CFH: variants seen among roughly 807,000 people sequenced by gnomAD.
CFH encodes complement factor H.
A neutral mutation model predicts 147.3 loss-of-function variants in CFH; 53 were observed. The observed-to-expected ratio is 0.36, with a 90% confidence interval of 0.29 to 0.45. The LOEUF is 0.45. Ranked by LOEUF, CFH falls within the 20% of genes least tolerant of loss-of-function variation. CFH has a pLI of 1.00. For missense variants in CFH, 1,380 were observed against 1,498.0 expected, an observed-to-expected ratio of 0.92 and a Z score of 1.30; for synonymous variants, 536 against 489.4, an observed-to-expected ratio of 1.10 and a Z score of -1.26.
intron 1 of CFH, among the ~76,000 whole-genome samples, chr1:196,654,719 G>A (rs1226156097): frequency 6.6e-6 from 1 of 151,052 alleles, no homozygotes; most frequent in Non-Finnish European, 1.5e-5. Flanking sequence ...AGTAAATACT[G>A]GCTGTGTTGT....
intron 9 of CFH, among the ~76,000 whole-genome samples, chr1:196,702,319 G>A (rs1246826107): frequency 1.3e-5 from 2 of 151,888 alleles, no homozygotes; most frequent in African/African-American, 2.4e-5. Flanking sequence ...TACCCAACAG[G>A]GAACTCCATT....
chr1:196,677,746 A>G, intron 5 of CFH, 79 bp downstream of exon 5: 1 of 1,300,522 alleles, frequency 7.7e-7, no homozygotes, highest in East Asian at 2.4e-5. Context: ...ATTCTAAGGA[A>G]TATCAGCAAT....
chr1:196,732,092 T>C (rs1389672269), intron 15 of CFH, among the ~76,000 whole-genome samples: 1 of 152,070 alleles, frequency 6.6e-6, no homozygotes, highest in East Asian at 1.9e-4. Flanking sequence ...GTTGTGTTTC[T>C]TTCTGTTTTT....
At chr1:196,683,043 G>GA (rs1667708084) in intron 6 of CFH, among the ~76,000 whole-genome samples, 7 of 151,192 alleles carry the variant, frequency 4.6e-5, no homozygotes, top group Admixed American at 4.0e-4. Context: ...AGAAGAAGTA[G>GA]AAAAATGGCA....
chr1:196,655,775 A>G (rs1016208977), intron 1 of CFH, among the ~76,000 whole-genome samples: 2 of 152,166 alleles, frequency 1.3e-5, no homozygotes, highest in African/African-American at 4.8e-5. Context: ...TCACAAAACC[A>G]TAGTACATGG....
In CFH at chr1:196,726,450, A is replaced by G. The variant is rs1558178773; in HGVS notation, c.1874-20A>G. ...AAAACAGACAATTTAACCATTATTT[A>G]CATAGTATTTCTACTATAGAGCAAG... On this transcript the variant is annotated intron_variant, in intron 12 of 21. Coordinates refer to ENST00000367429, the MANE Select transcript of CFH (RefSeq NM_000186.4). 1 of 1,548,294 alleles carries G rather than the reference A, an allele frequency of 6.5e-7. No individual in the cohort carries two copies. The highest frequency in any genetic ancestry group is 8.9e-7 in the Non-Finnish European group (1 of 1,122,272).
At position 196,715,645 on chromosome 1, in the gene CFH, A is replaced by T. The variant is rs778596435; in HGVS notation, c.1572A>T (p.Thr524=). The T allele has an allele frequency of 6.2e-7, 1 of 1,612,690 alleles. No homozygotes were observed. The highest frequency in any genetic ancestry group is 8.5e-7 in the Non-Finnish European group (1 of 1,179,198). ...ATGCCAGAACTAAAAATGACTTCAC[A>T]TGGTTTAAGCTGAATGACACATTGG... The part of the protein sequence containing the change: ...FMNARTKNDF[T]WFKLNDTLDY... The change falls in exon 11 of 22, where the codon ACA becomes ACT. Residue 524 remains threonine (T), a synonymous_variant. Coordinates refer to ENST00000367429, the MANE Select transcript of CFH (RefSeq NM_000186.4).
intron 16 of CFH, 36 bp from the exon 17 acceptor site, chr1:196,737,439 T>C: frequency 7.1e-7 from 1 of 1,414,626 alleles, no homozygotes; most frequent in Non-Finnish European, 9.9e-7. Flanking sequence ...AGTATTTTAT[T>C]TGTTTTTAAC....
chr1:196,714,674 G>T (rs1339178177), intron 10 of CFH, among the ~76,000 whole-genome samples: 907 of 24,286 alleles, frequency 0.037, 1 homozygote, highest in Non-Finnish European at 0.052. Flanking sequence ...TATATAGAGA[G>T]AGAGAGAGAG....
chr1:196,663,071 A>G (rs1329765120), intron 1 of CFH, among the ~76,000 whole-genome samples: 1 of 152,170 alleles, frequency 6.6e-6, no homozygotes, highest in Non-Finnish European at 1.5e-5. Context: ...TTTCTCTAAC[A>G]AGGTTAAGAT....
chr1:196,703,795 TAACACAGTGA>T (rs1218712413), intron 9 of CFH, among the ~76,000 whole-genome samples: 2 of 151,698 alleles, frequency 1.3e-5, no homozygotes, highest in Non-Finnish European at 2.9e-5. Flanking sequence ...CCATCCTGGC[TAACACAGTGA>T]AACCCCGTCT....
rs779202216 is a variant in CFH, at chr1:196,690,248, A to T, written c.1336+9A>T. 6.2e-7 allele frequency: 1 copy of T among 1,612,968 alleles called. No homozygotes were observed. The highest frequency in any genetic ancestry group is 8.5e-7 in the Non-Finnish European group (1 of 1,179,264). On this transcript the variant is annotated intron_variant, in intron 9 of 21. Transcript: ENST00000367429. ...CAGATGCATCCGTGTCAGTAAGTAC[A>T]CTACTCTGAAATCCTAGCATGTTCA...
intron 14 of CFH, among the ~76,000 whole-genome samples, chr1:196,727,200 C>T (rs573232655): frequency 6.6e-6 from 1 of 152,232 alleles, no homozygotes; most frequent in East Asian, 1.9e-4. Context: ...CAACATTTTA[C>T]TTACAAAAAT....
At chr1:196,712,723 G>C (rs1425444311) in intron 9 of CFH, among the ~76,000 whole-genome samples, 2 of 149,966 alleles carry the variant, frequency 1.3e-5, no homozygotes, top group Admixed American at 6.6e-5. Context: ...CCATTAACTC[G>C]TCATTTAGCA....
chr1:196,681,130 A>T (rs1667637137), intron 6 of CFH, among the ~76,000 whole-genome samples: 1 of 151,842 alleles, frequency 6.6e-6, no homozygotes, highest in South Asian at 2.1e-4. Context: ...ATCTATAGTG[A>T]ATTTATCCAT....
chr1:196,653,127 T>C lies in CFH; in HGVS notation c.58+952T>C, dbSNP rs867935790. On this transcript the variant is annotated intron_variant, in intron 1 of 21. Transcript: ENST00000367429. ...TATTAGCAAATAATACAAATCTCTG[T>C]TTCAGTCTTCCAATCTAGAAAATAA... is the stretch of plus-strand genomic sequence containing the variant. 7.2e-5 allele frequency among the ~76,000 whole-genome samples: 11 copies of C among 151,922 alleles called. No homozygotes were observed. The Middle Eastern group carries it at 0.012, about 166-fold the overall frequency.
rs767034554 is a variant in CFH at position 196,679,690 on chromosome 1, G to C, written c.687G>C (p.Glu229Asp). 1 of 1,608,688 alleles carries C rather than the reference G, an allele frequency of 6.2e-7. No homozygotes were observed. The highest frequency in any genetic ancestry group is 8.5e-7 in the Non-Finnish European group (1 of 1,175,906). The change falls in exon 6 of 22, where the codon GAG becomes GAC. Residue 229 changes from glutamate (E) to aspartate (D), a missense_variant. Transcript: ENST00000367429. ...TATCTCAGAAGATTATTTATAAGGAGAATGAACGATTTCAATATAAATGTA... is the reference window on the plus strand; with the variant it reads ...TATCTCAGAAGATTATTTATAAGGACAATGAACGATTTCAATATAAATGTA... ...SPISQKIIYK[E>D]NERFQYKCNM...
chr1:196,741,848 A>T, intron 18 of CFH, 27 bp from the exon 19 acceptor site: 1 of 1,610,230 alleles, frequency 6.2e-7, no homozygotes, highest in Non-Finnish European at 8.5e-7. Flanking sequence ...AGATTTGCGG[A>T]ACAAATACAT....
Position 196,679,643 on chromosome 1 carries a change from G to A in CFH, c.640G>A (p.Asp214Asn), listed in dbSNP as rs530228595. 6.2e-7 allele frequency: 1 copy of A among 1,605,436 alleles called. No individual in the cohort carries two copies. Among genetic ancestry groups the A allele is most frequent in the South Asian group, 1.1e-5 (1 of 90,736 alleles). Residue 214 changes from aspartate to asparagine, a missense_variant, in exon 6 of 22, where the codon GAT becomes AAT. Asp to Asn is a conservative substitution (Grantham distance 23). This residue lies in a region of CFH where 260 missense variants were observed against 263.3 expected (regional missense o/e 0.99). Coordinates refer to ENST00000367429, the MANE Select transcript of CFH (RefSeq NM_000186.4). ...TTTAGAAATTTCATGCAAATCCCCAGATGTTATAAATGGATCTCCTATATC... is the reference window on the plus strand; with the variant it reads ...TTTAGAAATTTCATGCAAATCCCCAAATGTTATAAATGGATCTCCTATATC... ...KCVEISCKSP[D>N]VINGSPISQK...
Sources: allele counts gnomAD v4.1 joint callset (sites outside exome capture counted in the v4.1 genomes callset), GRCh38; gene constraint gnomAD v4.1.1; regional missense constraint gnomAD v4.1.1; transcripts MANE v1.5; gene names NCBI Gene and HGNC (gene_info 2026-07-23, HGNC 2026-07-21).